STAU2: variants seen among roughly 807,000 people sequenced by gnomAD.
STAU2 encodes double-stranded RNA-binding protein Staufen homolog 2.
Under a neutral mutation model 65.9 loss-of-function variants are expected in STAU2, and 20 were observed. That is an observed-to-expected ratio of 0.30 (90% CI 0.21 to 0.44). The LOEUF (loss-of-function observed/expected upper bound fraction) is 0.44, where lower values mean the gene tolerates loss of function less well. Among genes scored for constraint, STAU2 ranks in the 20% least tolerant of loss-of-function variants. The pLI is 1.00. For missense variants in STAU2, 558 were observed against 683.9 expected, an observed-to-expected ratio of 0.82 and a Z score of 2.05; for synonymous variants, 232 against 233.9, an observed-to-expected ratio of 0.99 and a Z score of 0.07.
intron 13 of STAU2, among the ~76,000 whole-genome samples, chr8:73,467,256 G>A (rs1819707258): frequency 6.6e-6 from 1 of 152,194 alleles, no homozygotes; most frequent in African/African-American, 2.4e-5. Context: ...TTCTCGGCCG[G>A]GCGCAGTGGC....
chr8:73,692,851 T>C (rs1038928294), intron 4 of STAU2, among the ~76,000 whole-genome samples: 1 of 152,184 alleles, frequency 6.6e-6, no homozygotes, highest in Non-Finnish European at 1.5e-5. Context: ...AAACCCCACA[T>C]ATTTAGTGTC....
intron 3 of STAU2, among the ~76,000 whole-genome samples, chr8:73,720,540 C>T (rs1821578748): frequency 2.5e-5 from 1 of 40,680 alleles, no homozygotes; most frequent in Admixed American, 4.2e-4. Context: ...GAGTCTCGCT[C>T]TGTCGCCCAG....
chr8:73,502,545 G>A (rs779587857), intron 13 of STAU2, among the ~76,000 whole-genome samples: 1 of 152,132 alleles, frequency 6.6e-6, no homozygotes, highest in South Asian at 2.1e-4. Flanking sequence ...TCCCCACTCA[G>A]TGTCTGGGCC....
intron 4 of STAU2, among the ~76,000 whole-genome samples, chr8:73,705,486 A>C (rs1820446073): frequency 6.6e-6 from 1 of 152,214 alleles, no homozygotes; most frequent in Non-Finnish European, 1.5e-5. Context: ...ATAATGGAAA[A>C]GAAGAAAATA....
intron 13 of STAU2, among the ~76,000 whole-genome samples, chr8:73,446,210 C>T (rs1364310292): frequency 6.6e-6 from 1 of 152,076 alleles, no homozygotes; most frequent in African/African-American, 2.4e-5. Flanking sequence ...ATTATGATTC[C>T]ATTTATGTAA....
At chr8:73,709,602 T>C (rs1287505248) in intron 3 of STAU2, among the ~76,000 whole-genome samples, 1 of 152,016 alleles carries the variant, frequency 6.6e-6, no homozygotes, top group East Asian at 1.9e-4. Flanking sequence ...AGCTCTAGTC[T>C]TGGGAATCAG....
At chr8:73,442,362 A>G (rs1437293648) in intron 13 of STAU2, among the ~76,000 whole-genome samples, 1 of 151,946 alleles carries the variant, frequency 6.6e-6, no homozygotes, top group East Asian at 1.9e-4. Context: ...TCAAAAAAAA[A>G]AAAAAAAAAA....
At chr8:73,538,209 T>TA (rs1179940097) in intron 13 of STAU2, among the ~76,000 whole-genome samples, 30 of 152,190 alleles carry the variant, frequency 2.0e-4, no homozygotes, top group African/African-American at 7.0e-4. Context: ...GTACATTAGT[T>TA]AAGAGTTTTA....
At chr8:73,733,678 T>C (rs1438841160) in intron 3 of STAU2, among the ~76,000 whole-genome samples, 1 of 152,108 alleles carries the variant, frequency 6.6e-6, no homozygotes, top group Non-Finnish European at 1.5e-5. Flanking sequence ...TAGACACATA[T>C]AAGCAATCCA....
intron 13 of STAU2, chr8:73,439,079 G>A (rs185560749): frequency 2.2e-6 from 1 of 456,232 alleles, no homozygotes; most frequent in African/African-American, 2.0e-5. Flanking sequence ...CTTCCCAGGG[G>A]GTTCTCCATG....
rs901001011 is a variant in STAU2 at position 73,561,488 on chromosome 8, G to A, written c.1223-9169C>T. 18 of 450,268 alleles carry A rather than the reference G, an allele frequency of 4.0e-5. No homozygotes were observed. The East Asian group carries it at 4.2e-4, about 10-fold the overall frequency. 27.9% of individuals were successfully genotyped at this position (450,268 alleles called of 1,614,324 possible). A position where few individuals can be genotyped will look rare whatever the true frequency, so the allele number is the denominator to read the frequency against. The stretch of plus-strand genomic sequence containing the variant: ...AAATGTTGCTCGTAAAATAAAGATC[G>A]TTCTTCTTGGTTATGATTCTTCTCA... On this transcript the variant is annotated intron_variant, in intron 12 of 14. Transcript: ENST00000524300.
intron 13 of STAU2, among the ~76,000 whole-genome samples, chr8:73,443,180 G>A (rs1274174671): frequency 6.6e-6 from 1 of 151,884 alleles, no homozygotes; most frequent in African/African-American, 2.4e-5. Context: ...TCAAAGCCCA[G>A]GAGGAAAAAA....
At chr8:73,721,649 T>C (rs976827797) in intron 3 of STAU2, among the ~76,000 whole-genome samples, 4 of 152,214 alleles carry the variant, frequency 2.6e-5, no homozygotes, top group African/African-American at 7.2e-5. Flanking sequence ...TTTACCATTA[T>C]AAATGAAATG....
chr8:73,523,585 C>T (rs1044060929), intron 13 of STAU2, among the ~76,000 whole-genome samples: 10 of 152,140 alleles, frequency 6.6e-5, no homozygotes, highest in African/African-American at 2.4e-4. Flanking sequence ...TGTAGTTAAT[C>T]CCTCTCCATA....
intron 13 of STAU2, among the ~76,000 whole-genome samples, chr8:73,425,286 T>G (rs1288529753): frequency 6.6e-6 from 1 of 152,118 alleles, no homozygotes; most frequent in Non-Finnish European, 1.5e-5. Context: ...ATAACTGGTA[T>G]CCTTATAAAA....
chr8:73,691,393 C>T (rs1819313560), intron 4 of STAU2, among the ~76,000 whole-genome samples: 1 of 152,110 alleles, frequency 6.6e-6, no homozygotes, highest in Non-Finnish European at 1.5e-5. Flanking sequence ...TCTAAGGTTT[C>T]TATAAACTCA....
intron 13 of STAU2, among the ~76,000 whole-genome samples, chr8:73,489,842 A>T (rs1439427089): frequency 6.6e-6 from 1 of 152,028 alleles, no homozygotes; most frequent in African/African-American, 2.4e-5. Context: ...GAGCATTAAC[A>T]TGTACTCACA....
intron 13 of STAU2, among the ~76,000 whole-genome samples, chr8:73,473,965 C>T (rs950211014): frequency 7.2e-5 from 11 of 152,216 alleles, no homozygotes; most frequent in African/African-American, 1.4e-4. Context: ...AAGTGGGTGG[C>T]GCTTTGCAAA....
intron 12 of STAU2, among the ~76,000 whole-genome samples, chr8:73,564,495 G>A (rs1455533432): frequency 6.6e-6 from 1 of 152,060 alleles, no homozygotes; most frequent in Non-Finnish European, 1.5e-5. Flanking sequence ...GAAGGGTGAA[G>A]GGTGGAGGGT....
Sources: allele counts gnomAD v4.1 joint callset (sites outside exome capture counted in the v4.1 genomes callset), GRCh38; gene constraint gnomAD v4.1.1; transcripts MANE v1.5; gene names NCBI Gene and HGNC (gene_info 2026-07-23, HGNC 2026-07-21).